DPYSL2: variants seen among roughly 807,000 people sequenced by gnomAD.
The protein encoded by DPYSL2 is dihydropyrimidinase-related protein 2.
DPYSL2 carries 13 observed loss-of-function variants against 69.9 expected under a neutral mutation model. That is an observed-to-expected ratio of 0.19 (90% confidence interval 0.12 to 0.30). The LOEUF is 0.30. DPYSL2 is among the 10% of genes least tolerant of loss of function. The pLI is 1.00. For missense variants in DPYSL2, 587 were observed against 918.9 expected, an observed-to-expected ratio of 0.64 and a Z score of 4.67; for synonymous variants, 326 against 359.1, an observed-to-expected ratio of 0.91 and a Z score of 1.04.
At chr8:26,634,749 C>T (rs752332706) in intron 7 of DPYSL2, 31 bp from the exon 8 acceptor site, 1 of 1,613,634 alleles carries the variant, frequency 6.2e-7, no homozygotes, top group East Asian at 2.2e-5. Context: ...TGGGCTGAGC[C>T]ACATTCTCAT....
intron 1 of DPYSL2, among the ~76,000 whole-genome samples, chr8:26,559,836 C>G (rs1210444196): frequency 6.6e-6 from 1 of 152,144 alleles, no homozygotes; most frequent in Admixed American, 6.6e-5. Flanking sequence ...TCTAACTACC[C>G]CAAGATCTTT....
At chr8:26,629,091 G>A (rs1221700751) in intron 7 of DPYSL2, among the ~76,000 whole-genome samples, 1 of 152,168 alleles carries the variant, frequency 6.6e-6, no homozygotes, top group African/African-American at 2.4e-5. Flanking sequence ...AGAAAGACGA[G>A]AGTGGGAGCC....
chr8:26,594,860 A>G (rs781523833), intron 3 of DPYSL2, among the ~76,000 whole-genome samples: 1 of 152,166 alleles, frequency 6.6e-6, no homozygotes, highest in Non-Finnish European at 1.5e-5. Context: ...CGTTTTGAAC[A>G]TAGCAGGAAA....
intron 1 of DPYSL2, among the ~76,000 whole-genome samples, chr8:26,548,843 A>C (rs1375895326): frequency 6.6e-6 from 1 of 151,998 alleles, no homozygotes; most frequent in Non-Finnish European, 1.5e-5. Flanking sequence ...GCGCCACTGC[A>C]TTCCAGCCTG....
chr8:26,634,458 T>G (rs527745820), intron 7 of DPYSL2, among the ~76,000 whole-genome samples: 1 of 149,788 alleles, frequency 6.7e-6, no homozygotes, highest in Non-Finnish European at 1.5e-5. Context: ...TTAATTGTAT[T>G]TGTAGTAGAT....
intron 1 of DPYSL2, among the ~76,000 whole-genome samples, chr8:26,541,967 C>T (rs2053538): frequency 0.18 from 27,643 of 152,048 alleles, 2,893 homozygotes; most frequent in African/African-American, 0.28. Flanking sequence ...ATGGATTAAT[C>T]TCACCAATCA....
Position 26,605,938 on chromosome 8 carries a change from C to T in DPYSL2, c.629-18205C>T, listed in dbSNP as rs191131416. Reference sequence around the variant, plus strand: ...AGTTTTTGTTTTGTTTTCCATTTGACCAAATGATTCTTAAGTACAGGTGAA... The same window carrying T: ...AGTTTTTGTTTTGTTTTCCATTTGATCAAATGATTCTTAAGTACAGGTGAA... On this transcript the variant is annotated intron_variant, in intron 3 of 13. Transcript: ENST00000521913. The surrounding 1 kb of genome is among the most constrained non-coding windows in gnomAD (Gnocchi z 4.1). 2.8e-4 allele frequency among the ~76,000 whole-genome samples: 43 copies of T among 152,072 alleles called. No homozygotes were observed. Among genetic ancestry groups the T allele is most frequent in the African/African-American group, 7.7e-4 (32 of 41,500 alleles).
chr8:26,627,669 G>A lies in DPYSL2; in HGVS notation c.937-203G>A, dbSNP rs1490600761. ...GGGAACAGCTGAATGGGTTTTGGGA[G>A]GCTGTAATTGATCCATCCTGCTCAG... is the stretch of plus-strand genomic sequence containing the variant. On this transcript the variant is annotated intron_variant, in intron 6 of 13. Transcript: ENST00000521913. The surrounding 1 kb of genome is among the most constrained non-coding windows in gnomAD (Gnocchi z 6.9). 6.6e-6 allele frequency among the ~76,000 whole-genome samples: 1 copy of A among 152,210 alleles called. No individual in the cohort carries two copies. Among genetic ancestry groups the A allele is most frequent in the Non-Finnish European group, 1.5e-5 (1 of 68,042 alleles).
chr8:26,581,828 T>A (rs1801499483), intron 1 of DPYSL2, 141 bp from the exon 2 acceptor site: 1 of 664,550 alleles, frequency 1.5e-6, no homozygotes. Flanking sequence ...CAGGCTTACC[T>A]TTGTCACTGA....
rs1585482630 is a variant in DPYSL2, at chr8:26,514,824, C to T, written c.354+145C>T. 2 of 766,888 alleles carry T rather than the reference C, an allele frequency of 2.6e-6. No homozygotes were observed. Among genetic ancestry groups the T allele is most frequent in the East Asian group, 3.4e-5 (1 of 29,256 alleles). 47.5% of individuals were successfully genotyped at this position (766,888 alleles called of 1,614,324 possible). ...CACGCGCACCCCGCCCTACCCGCCC[C>T]TTCTCCGCGCAGGGTGCGGCGAGGC... On this transcript the variant is annotated intron_variant, in intron 1 of 13. Transcript: ENST00000521913. The surrounding 1 kb of genome is among the most constrained non-coding windows in gnomAD (Gnocchi z 8.4).
Position 26,627,111 on chromosome 8 carries a change from T to C in DPYSL2, c.856-104T>C, listed in dbSNP as rs1248285849. 1 of 1,054,806 alleles carries C rather than the reference T, an allele frequency of 9.5e-7. No individual in the cohort carries two copies. Among genetic ancestry groups the C allele is most frequent in the Non-Finnish European group, 1.5e-6 (1 of 686,742 alleles). The allele number at this position is 1,054,806 out of a possible 1,614,324, so 65.3% of individuals were successfully genotyped here. A position where few individuals can be genotyped will look rare whatever the true frequency, so the allele number is the denominator to read the frequency against. On this transcript the variant is annotated intron_variant, in intron 5 of 13. Transcript: ENST00000521913. This position sits in a 1 kb window ranked among gnomAD's most constrained non-coding sequence, Gnocchi z 6.9. ...TCAGGCTAATAGAATCGCCTAGGTG[T>C]CCTGTTTCTCATCCCAGAAATGCCT...
chr8:26,575,249 CA>C (rs1212580641), intron 1 of DPYSL2, among the ~76,000 whole-genome samples: 1 of 152,204 alleles, frequency 6.6e-6, no homozygotes, highest in Non-Finnish European at 1.5e-5. Flanking sequence ...CTTGGCATCC[CA>C]AAGTGCGGGA....
Position 26,653,354 on chromosome 8 carries a change from C to T in DPYSL2, c.1899C>T (p.Ala633=), listed in dbSNP as rs1294647326. The T allele has an allele frequency of 1.2e-6, 2 of 1,613,986 alleles. No homozygotes were observed. Among genetic ancestry groups the T allele is most frequent in the African/African-American group, 1.3e-5 (1 of 74,910 alleles). ...AGACGTCTCCTGCCAAGCAGCAGGC[C>T]CCACCTGTCCGGAACCTGCACCAGT... ...SAKTSPAKQQ[A]PPVRNLHQSG... is the part of the protein sequence containing the mutation. Residue 633 remains alanine (A), a synonymous_variant, in exon 13 of 14, where the codon GCC becomes GCT. Coordinates refer to ENST00000521913, the MANE Select transcript of DPYSL2 (RefSeq NM_001197293.3). The surrounding 1 kb of genome is among the most constrained non-coding windows in gnomAD (Gnocchi z 5.7).
In DPYSL2 at chr8:26,610,547, C is replaced by T. The variant is rs1749588486; in HGVS notation, c.629-13596C>T. On this transcript the variant is annotated intron_variant, in intron 3 of 13. Coordinates refer to ENST00000521913, the MANE Select transcript of DPYSL2 (RefSeq NM_001197293.3). This position sits in a 1 kb window ranked among gnomAD's most constrained non-coding sequence, Gnocchi z 4.5. ...GCAGAAGACTTAGCTAGATGAGTGA[C>T]TCAAAGTTCCATGCCTGGGGCCCTC... Among the ~76,000 whole-genome samples, 1 of 152,140 alleles carries T rather than the reference C, an allele frequency of 6.6e-6. No individual in the cohort carries two copies. The highest frequency in any genetic ancestry group is 2.4e-5 in the African/African-American group (1 of 41,400).
At chr8:26,637,870 A>T (rs750429558) in intron 8 of DPYSL2, 1 of 152,240 alleles carries the variant, frequency 6.6e-6, no homozygotes, top group South Asian at 2.1e-4. Flanking sequence ...GCAGGTAAAG[A>T]TGGAGATGAG....
chr8:26,626,029 T>G lies in DPYSL2; in HGVS notation c.794-588T>G, dbSNP rs1303861199. ...CCCCAGTCCCTGGCAACTGCTGTTG[T>G]ACTTTCTGTCTGTGAAATTGACTTC... On this transcript the variant is annotated intron_variant, in intron 4 of 13. Coordinates refer to ENST00000521913, the MANE Select transcript of DPYSL2 (RefSeq NM_001197293.3). The surrounding 1 kb of genome is among the most constrained non-coding windows in gnomAD (Gnocchi z 4.3). Among the ~76,000 whole-genome samples, 4 of 152,242 alleles carry G rather than the reference T, an allele frequency of 2.6e-5. No homozygotes were observed. In the East Asian group the frequency reaches 7.7e-4, roughly 29 times the overall value.
intron 3 of DPYSL2, among the ~76,000 whole-genome samples, chr8:26,596,756 C>T (rs150129623): frequency 1.3e-5 from 2 of 152,224 alleles, no homozygotes; most frequent in African/African-American, 4.8e-5. Flanking sequence ...CCTGCAAGTG[C>T]GAGGGCTGGG....
chr8:26,541,005 T>C lies in DPYSL2; in HGVS notation c.354+26326T>C, dbSNP rs186236795. 1.2e-3 allele frequency among the ~76,000 whole-genome samples: 183 copies of C among 152,184 alleles called. 1 individual carries two copies. Among genetic ancestry groups the C allele is most frequent in the Admixed American group, 0.011 (172 of 15,278 alleles). ...ATCATAAGTCCAGATGCTCCTCAAT[T>C]TGTGATGGAGTTAAGTCCAGATAAA... On this transcript the variant is annotated intron_variant, in intron 1 of 13. Transcript: ENST00000521913.
At chr8:26,602,631 C>T (rs1189977006) in intron 3 of DPYSL2, among the ~76,000 whole-genome samples, 1 of 152,208 alleles carries the variant, frequency 6.6e-6, no homozygotes, top group African/African-American at 2.4e-5. Flanking sequence ...TTCGTTTATT[C>T]ATTCACCTAT....
Sources: allele counts gnomAD v4.1 joint callset (sites outside exome capture counted in the v4.1 genomes callset), GRCh38; gene constraint gnomAD v4.1.1; non-coding constraint Gnocchi (gnomAD v3.1); transcripts MANE v1.5; gene names NCBI Gene and HGNC (gene_info 2026-07-23, HGNC 2026-07-21).